CLSTN1: variants seen among roughly 807,000 people sequenced by gnomAD.
The protein encoded by CLSTN1 is calsyntenin-1.
In CLSTN1, 28 loss-of-function variants were observed where a neutral mutation model predicts 108.3. That is an observed-to-expected ratio of 0.26 (90% confidence interval 0.19 to 0.35). The LOEUF is 0.35. Among genes scored for constraint, CLSTN1 ranks in the 10% least tolerant of loss-of-function variants. The pLI, the probability that CLSTN1 is intolerant of heterozygous loss-of-function variation, is 1.00. For missense variants in CLSTN1, 1,157 were observed against 1,302.6 expected (o/e 0.89, Z 1.72); for synonymous variants, 524 against 534.9 (o/e 0.98, Z 0.28).
chr1:9,741,296 A>C lies in CLSTN1; in HGVS notation c.1357-40T>G, dbSNP rs961953002. On this transcript the variant is annotated intron_variant, in intron 9 of 18. Coordinates refer to ENST00000377298, the MANE Select transcript of CLSTN1 (RefSeq NM_001009566.3). ...GGAAGCGGGGAGGTGTGAGATGTCCACTTTCCTTCTCATCAATGCCCATGG... is the reference window on the plus strand; with the variant it reads ...GGAAGCGGGGAGGTGTGAGATGTCCCCTTTCCTTCTCATCAATGCCCATGG... 10 of 1,568,240 alleles carry C rather than the reference A, an allele frequency of 6.4e-6. No homozygotes were observed. In the African/African-American group the frequency reaches 1.3e-4, roughly 21 times the overall value.
Position 9,818,316 on chromosome 1 carries a change from G to GT in CLSTN1, c.91+5326dup, listed in dbSNP as rs539231199. On this transcript the variant is annotated intron_variant, in intron 1 of 18. Coordinates refer to ENST00000377298, the MANE Select transcript of CLSTN1 (RefSeq NM_001009566.3). ...TCAGCTACCATGCCTGGCCGTTTGG[G>GT]TTTTTTTTTGTTTTTGTTTTTGTTT... is the stretch of plus-strand genomic sequence containing the variant. 7.7e-3 allele frequency among the ~76,000 whole-genome samples: 1,151 copies of GT among 149,874 alleles called. 10 individuals carry two copies. The highest frequency in any genetic ancestry group is 8.6e-3 in the Non-Finnish European group (582 of 67,290).
chr1:9,813,369 C>T (rs1168424410), intron 1 of CLSTN1, among the ~76,000 whole-genome samples: 1 of 151,338 alleles, frequency 6.6e-6, no homozygotes, highest in Non-Finnish European at 1.5e-5. Flanking sequence ...CTTGCTGGTG[C>T]ATGTCTGTAA....
At chr1:9,731,072 C>T (rs1400780249) in intron 18 of CLSTN1, 134 bp downstream of exon 18, 6 of 1,078,230 alleles carry the variant, frequency 5.6e-6, no homozygotes, top group African/African-American at 3.1e-5. Context: ...CACGAAGACA[C>T]CTAAGCCCCA....
At chr1:9,748,417 G>A (rs1260927576) in intron 7 of CLSTN1, among the ~76,000 whole-genome samples, 1 of 152,202 alleles carries the variant, frequency 6.6e-6, no homozygotes, top group Non-Finnish European at 1.5e-5. Context: ...GAGATTCTAA[G>A]TTAGATGTGG....
At chr1:9,820,169 T>C (rs1655138262) in intron 1 of CLSTN1, among the ~76,000 whole-genome samples, 1 of 152,108 alleles carries the variant, frequency 6.6e-6, no homozygotes, top group Non-Finnish European at 1.5e-5. Context: ...CCACCGAGGC[T>C]GGCCCCATGA....
At chr1:9,811,132 G>A (rs1287323251) in intron 1 of CLSTN1, among the ~76,000 whole-genome samples, 1 of 152,134 alleles carries the variant, frequency 6.6e-6, no homozygotes, top group East Asian at 1.9e-4. Flanking sequence ...GGTATTAATG[G>A]CCTAAAACAT....
intron 12 of CLSTN1, 41 bp from the exon 13 acceptor site, chr1:9,735,656 G>A: frequency 6.2e-7 from 1 of 1,611,810 alleles, no homozygotes; most frequent in Non-Finnish European, 8.5e-7. Flanking sequence ...GAATAAGCCA[G>A]TAACCGCAGG....
At chr1:9,739,059 G>A (rs1358413236) in intron 10 of CLSTN1, among the ~76,000 whole-genome samples, 1 of 152,186 alleles carries the variant, frequency 6.6e-6, no homozygotes, top group East Asian at 1.9e-4. Flanking sequence ...ACACAGCAGA[G>A]TCCAGTGCAA....
intron 1 of CLSTN1, among the ~76,000 whole-genome samples, chr1:9,798,543 T>A (rs1654116295): frequency 6.6e-6 from 1 of 152,110 alleles, no homozygotes; most frequent in African/African-American, 2.4e-5. Context: ...AATAAGTAAA[T>A]CCATAGAGAC....
rs904920397 is a variant in CLSTN1, at chr1:9,823,279, G to A, written c.91+364C>T. 6.6e-6 allele frequency among the ~76,000 whole-genome samples: 1 copy of A among 152,230 alleles called. No homozygotes were observed. Among genetic ancestry groups the A allele is most frequent in the Non-Finnish European group, 1.5e-5 (1 of 68,040 alleles). On this transcript the variant is annotated intron_variant, in intron 1 of 18. Transcript: ENST00000377298. The surrounding 1 kb of genome is among the most constrained non-coding windows in gnomAD (Gnocchi z 6.3). ...CGTGCGCCGCTGAGCAGGGCGGACT[G>A]ACCCTTCGGCCCGTCTGCACGTTCC...
Position 9,813,114 on chromosome 1 carries a change from G to A in CLSTN1, c.91+10529C>T, listed in dbSNP as rs180864688. Among the ~76,000 whole-genome samples, 675 of 152,242 alleles carry A rather than the reference G, an allele frequency of 4.4e-3. 9 individuals are homozygous for A. The highest frequency in any genetic ancestry group is 0.025 in the Admixed American group (387 of 15,274). On this transcript the variant is annotated intron_variant, in intron 1 of 18. Coordinates refer to ENST00000377298, the MANE Select transcript of CLSTN1 (RefSeq NM_001009566.3). ...CAGGAAGTGGAGGTTGCAGTGAGCC[G>A]AGAGTACACCACTGCACTCCAGCCT...
intron 2 of CLSTN1, among the ~76,000 whole-genome samples, chr1:9,759,124 A>G (rs1651950063): frequency 6.6e-6 from 1 of 152,194 alleles, no homozygotes; most frequent in African/African-American, 2.4e-5. Flanking sequence ...CCCACTGGAC[A>G]GAGTTGCTTT....
At chr1:9,824,450 T>C (rs1232840070), upstream of CLSTN1, 1 of 151,900 alleles carries the variant, frequency 6.6e-6, no homozygotes, top group Non-Finnish European at 1.5e-5. This position sits in a 1 kb window ranked among gnomAD's most constrained non-coding sequence, Gnocchi z 5.0. Flanking sequence ...GCAGGTCGCG[T>C]CGCCCCCCAG....
chr1:9,741,768 C>T (rs949607491), intron 9 of CLSTN1, among the ~76,000 whole-genome samples: 6 of 152,202 alleles, frequency 3.9e-5, no homozygotes, highest in Non-Finnish European at 7.4e-5. Flanking sequence ...AAAAATTAGC[C>T]GGGTGTGGTG....
At chr1:9,798,712 G>A (rs1261692373) in intron 1 of CLSTN1, among the ~76,000 whole-genome samples, 1 of 152,168 alleles carries the variant, frequency 6.6e-6, no homozygotes, top group African/African-American at 2.4e-5. Context: ...CCACTGGATT[G>A]TACATTTTAA....
chr1:9,742,131 A>C (rs1362251796), intron 9 of CLSTN1, among the ~76,000 whole-genome samples: 1 of 152,206 alleles, frequency 6.6e-6, no homozygotes, highest in African/African-American at 2.4e-5. Flanking sequence ...AACTCAAACA[A>C]ATTGTAAACA....
rs565867890 is a variant in CLSTN1 at position 9,730,382 on chromosome 1, G to A, written c.*126C>T. ...CTACACACCAAGCACAGCGACGATC[G>A]TGGCGGGGAGGGGTCTGCACACCTA... is the stretch of plus-strand genomic sequence containing the variant. On this transcript the variant is annotated 3_prime_UTR_variant, in exon 19 of 19. Transcript: ENST00000377298. The surrounding 1 kb of genome is among the most constrained non-coding windows in gnomAD (Gnocchi z 5.6). 3.5e-5 allele frequency: 29 copies of A among 828,536 alleles called. No individual in the cohort carries two copies. The highest frequency in any genetic ancestry group is 3.0e-4 in the African/African-American group (18 of 60,476). 51.3% of individuals were successfully genotyped at this position (828,536 alleles called of 1,614,324 possible). A position where few individuals can be genotyped will look rare whatever the true frequency, so the allele number is the denominator to read the frequency against.
chr1:9,738,396 T>C lies in CLSTN1; in HGVS notation c.1520-842A>G, dbSNP rs557948887. 2.7e-4 allele frequency among the ~76,000 whole-genome samples: 41 copies of C among 152,248 alleles called. No individual in the cohort carries two copies. The East Asian group carries it at 2.7e-3, about 10-fold the overall frequency. On this transcript the variant is annotated intron_variant, in intron 10 of 18. Coordinates refer to ENST00000377298, the MANE Select transcript of CLSTN1 (RefSeq NM_001009566.3). ...CCTCTATGGTGTGCTAGGGCCCCTT[T>C]TGGGCTGCGGCTGTGCGGGGCTGCA...
At chr1:9,816,217 G>T (rs1370614930) in intron 1 of CLSTN1, among the ~76,000 whole-genome samples, 1 of 152,188 alleles carries the variant, frequency 6.6e-6, no homozygotes, top group Non-Finnish European at 1.5e-5. Flanking sequence ...CAACATGGAT[G>T]AACCTTGAAG....
Sources: allele counts gnomAD v4.1 joint callset (sites outside exome capture counted in the v4.1 genomes callset), GRCh38; gene constraint gnomAD v4.1.1; non-coding constraint Gnocchi (gnomAD v3.1); transcripts MANE v1.5; gene names NCBI Gene and HGNC (gene_info 2026-07-23, HGNC 2026-07-21).